The following USP34 variants were observed in gnomAD, a reference collection of about 807,000 sequenced individuals.
USP34 encodes the protein ubiquitin specific peptidase 34, also known as ubiquitin carboxyl-terminal hydrolase 34.
USP34 carries 70 observed loss-of-function variants against 460.3 expected under a neutral mutation model. The observed-to-expected ratio is 0.15, with a 90% CI of 0.13 to 0.19. USP34 has a LOEUF of 0.19. Ranked by LOEUF, USP34 falls within the 10% of genes least tolerant of loss-of-function variation. The pLI is 1.00. For missense variants in USP34, 3,985 were observed against 4,236.2 expected, an observed-to-expected ratio of 0.94 and a Z score of 1.65; for synonymous variants, 1,647 against 1,405.3, an observed-to-expected ratio of 1.17 and a Z score of -3.85.
At position 61,296,818 on chromosome 2, in the gene USP34, C is replaced by G; in HGVS notation, c.4236G>C (p.Gln1412His). 4 of 1,613,086 alleles carry G rather than the reference C, an allele frequency of 2.5e-6. No homozygotes were observed. The South Asian group carries it at 3.3e-5, about 13-fold the overall frequency. ...GGCTCACCTGCTCATCTGAGATATTCTGGAATGCCATCAACATATTAGGAC... is the reference window on the plus strand; with the variant it reads ...GGCTCACCTGCTCATCTGAGATATTGTGGAATGCCATCAACATATTAGGAC... ...PTCPNMLMAF[Q>H]NISDEQSNDG... is the part of the protein sequence containing the mutation. The change falls in exon 30 of 80, where the codon CAG becomes CAC. Residue 1412 changes from glutamine (Q) to histidine (H), a missense_variant. Gln to His is a conservative substitution (Grantham distance 24). Transcript: ENST00000398571.
intron 69 of USP34, among the ~76,000 whole-genome samples, chr2:61,211,023 C>CT (rs1408413619): frequency 1.2e-4 from 19 of 152,098 alleles, no homozygotes; most frequent in Non-Finnish European, 2.6e-4. Flanking sequence ...AAAACAATCC[C>CT]TTTAAGAAAT....
intron 32 of USP34, among the ~76,000 whole-genome samples, chr2:61,294,648 T>A (rs1173973257): frequency 6.6e-6 from 1 of 152,104 alleles, no homozygotes; most frequent in Non-Finnish European, 1.5e-5. Context: ...CTCAAACTCC[T>A]GACCTCAAGT....
chr2:61,344,553 G>C (rs976702796), intron 15 of USP34, among the ~76,000 whole-genome samples: 2 of 152,146 alleles, frequency 1.3e-5, no homozygotes, highest in African/African-American at 4.8e-5. Flanking sequence ...ATGAAGTTCA[G>C]GGTTGATTTA....
intron 43 of USP34, chr2:61,265,155 C>A (rs1689010568): frequency 2.4e-6 from 1 of 417,112 alleles, no homozygotes; most frequent in Admixed American, 4.5e-5. Context: ...TCATTGTATA[C>A]ACTGAGCATG....
At position 61,349,299 on chromosome 2, in the gene USP34, A is replaced by G; in HGVS notation, c.1508-14T>C. The G allele has an allele frequency of 1.9e-6, 3 of 1,612,538 alleles. No individual in the cohort carries two copies. The highest frequency in any genetic ancestry group is 2.5e-6 in the Non-Finnish European group (3 of 1,179,364). ...GCTCTTCTTCCTCTGAAGGAAAAGG[A>G]AAAAACAGGAGAAAAACATTCTAAG... On this transcript the variant is annotated splice_polypyrimidine_tract_variant and intron_variant, in intron 12 of 79. Coordinates refer to ENST00000398571, the MANE Select transcript of USP34 (RefSeq NM_014709.4).
chr2:61,329,670 T>C (rs1440298563), intron 20 of USP34, among the ~76,000 whole-genome samples: 3 of 152,174 alleles, frequency 2.0e-5, no homozygotes, highest in Non-Finnish European at 4.4e-5. Context: ...AATCTCTGGA[T>C]GTGGTTAAGA....
intron 75 of USP34, among the ~76,000 whole-genome samples, chr2:61,198,645 C>T (rs767634121): frequency 4.0e-5 from 6 of 151,442 alleles, no homozygotes; most frequent in Admixed American, 6.6e-5. Context: ...CAGAGGCACA[C>T]GGATCACGAG....
intron 75 of USP34, among the ~76,000 whole-genome samples, chr2:61,194,951 CAAAAAAAAA>C (rs59097382): frequency 1.6e-5 from 2 of 126,240 alleles, no homozygotes; most frequent in South Asian, 5.1e-4. Context: ...GAAACTCTGT[CAAAAAAAAA>C]AAAAAAAAAA....
At chr2:61,260,715 G>C (rs755387719) in intron 43 of USP34, among the ~76,000 whole-genome samples, 1 of 152,096 alleles carries the variant, frequency 6.6e-6, no homozygotes, top group Non-Finnish European at 1.5e-5. Flanking sequence ...TGTTATATGA[G>C]AGGCTTAATA....
At chr2:61,294,481 C>T (rs750318827) in intron 32 of USP34, among the ~76,000 whole-genome samples, 3 of 152,008 alleles carry the variant, frequency 2.0e-5, no homozygotes, top group Admixed American at 6.6e-5. Flanking sequence ...TGCTGTGGTG[C>T]GATCTCAGCT....
rs11891480 is a variant in USP34 at position 61,343,960 on chromosome 2, T to G, written c.2355A>C (p.Ser785=). 2.2e-3 allele frequency: 3,578 copies of G among 1,613,970 alleles called. 76 individuals carry two copies. The African/African-American group carries it at 0.041, about 18-fold the overall frequency. Residue 785 remains serine (S), a synonymous_variant, in exon 16 of 80, where the codon TCA becomes TCC. Transcript: ENST00000398571. ...CATCAAAATCAGCCATATTTTTTTCTGATTTTGCACTAACCTGGGAGCTAC... is the reference window on the plus strand; with the variant it reads ...CATCAAAATCAGCCATATTTTTTTCGGATTTTGCACTAACCTGGGAGCTAC... The part of the protein sequence containing the change: ...SCSSSQVSAK[S]EKNMADFDGE...
chr2:61,341,755 CTTTTTTTTT>C (rs896288474), intron 16 of USP34, among the ~76,000 whole-genome samples: 40 of 91,730 alleles, frequency 4.4e-4, no homozygotes, highest in African/African-American at 1.3e-3. Flanking sequence ...TCAGGTCTTT[CTTTTTTTTT>C]TTTTTTTTTT....
At chr2:61,371,021 G>C (rs1692608556) in intron 8 of USP34, among the ~76,000 whole-genome samples, 1 of 152,136 alleles carries the variant, frequency 6.6e-6, no homozygotes, top group Non-Finnish European at 1.5e-5. Context: ...CAAACTGTAA[G>C]TCTCCTGGCT....
At chr2:61,363,671 T>C (rs1338978599) in intron 10 of USP34, among the ~76,000 whole-genome samples, 2 of 152,224 alleles carry the variant, frequency 1.3e-5, no homozygotes, top group African/African-American at 2.4e-5. Context: ...ATGTGGTGTG[T>C]TGTTGACTGA....
At chr2:61,462,121 C>A (rs1431551126) in intron 1 of USP34, among the ~76,000 whole-genome samples, 2 of 151,654 alleles carry the variant, frequency 1.3e-5, no homozygotes, top group African/African-American at 4.9e-5. Context: ...TGCCTGTAAT[C>A]ACAGCTACCC....
intron 1 of USP34, among the ~76,000 whole-genome samples, chr2:61,428,862 C>T (rs552473400): frequency 4.6e-5 from 7 of 152,100 alleles, no homozygotes; most frequent in Middle Eastern, 3.4e-3. Context: ...TAACAATAAC[C>T]AACAGAGATA....
intron 41 of USP34, among the ~76,000 whole-genome samples, chr2:61,277,184 G>GTAA (rs1689396595): frequency 6.6e-6 from 1 of 151,122 alleles, no homozygotes; most frequent in Non-Finnish European, 1.5e-5. Flanking sequence ...GTTTAGGACA[G>GTAA]TAATTCAAAA....
In USP34 at chr2:61,359,850, T is replaced by A. The variant is rs540889211; in HGVS notation, c.1252-9157A>T. 6.2e-5 allele frequency among the ~76,000 whole-genome samples: 9 copies of A among 146,270 alleles called. No homozygotes were observed. The South Asian group carries it at 2.1e-3, about 34-fold the overall frequency. ...CAGCCTAAAGTGCTCGGCTGGGTGA[T>A]CTCGGCTCACTGCAACCTCTGCCTC... On this transcript the variant is annotated intron_variant, in intron 10 of 79. Transcript: ENST00000398571.
intron 1 of USP34, among the ~76,000 whole-genome samples, chr2:61,436,774 A>G (rs969701644): frequency 1.3e-5 from 2 of 152,230 alleles, no homozygotes; most frequent in Admixed American, 1.3e-4. Context: ...TCCAGAATTG[A>G]CCATATTTTA....
Sources: gnomAD v4.1 joint callset for allele counts (sites outside exome capture counted in the v4.1 genomes callset) on GRCh38, gnomAD v4.1.1 for gene constraint, MANE v1.5 for transcripts, NCBI Gene and HGNC (gene_info 2026-07-23, HGNC 2026-07-21) for gene names.